The following BICDL1 variants were observed in gnomAD, a reference collection of about 807,000 sequenced individuals.
BICDL1 encodes BICD family like cargo adaptor 1.
BICDL1 carries 20 observed loss-of-function variants against 76.8 expected under a neutral mutation model. The ratio of observed to expected loss-of-function variants is 0.26; its 90% CI spans 0.18 to 0.38. The LOEUF is 0.38. Ranked by LOEUF, BICDL1 falls within the 10% of genes least tolerant of loss-of-function variation. BICDL1 has a pLI of 1.00. For synonymous variants in BICDL1, 383 were observed against 337.1 expected, an observed-to-expected ratio of 1.14 and a Z score of -1.49; for missense variants, 700 against 798.6, an observed-to-expected ratio of 0.88 and a Z score of 1.49.
chr12:120,068,682 G>A (rs753350432), intron 4 of BICDL1, among the ~76,000 whole-genome samples: 8 of 152,200 alleles, frequency 5.3e-5, no homozygotes, highest in South Asian at 2.1e-4. Context: ...TGGACATGGC[G>A]GCGCATGCCT....
intron 1 of BICDL1, among the ~76,000 whole-genome samples, chr12:119,993,814 C>T (rs901542482): frequency 6.6e-6 from 1 of 152,130 alleles, no homozygotes; most frequent in African/African-American, 2.4e-5. Context: ...TGGGGTTTCA[C>T]CATGGTGGCC....
chr12:120,088,735 G>C (rs1023937116), intron 8 of BICDL1, among the ~76,000 whole-genome samples: 4 of 151,364 alleles, frequency 2.6e-5, no homozygotes, highest in Non-Finnish European at 5.9e-5. Flanking sequence ...GGCGCGATCT[G>C]GGCTTACTGC....
chr12:119,995,231 T>C lies in BICDL1; in HGVS notation c.430-3290T>C, dbSNP rs77782715. ...GGTTAATTTAGCACTTAATTGAAAA[T>C]ATAATTCTAGGAGAAACTTTTCTCA... On this transcript the variant is annotated intron_variant, in intron 1 of 9. Coordinates refer to ENST00000548673, the MANE Select transcript of BICDL1 (RefSeq NM_001367886.1). 8.4e-3 allele frequency among the ~76,000 whole-genome samples: 1,272 copies of C among 152,312 alleles called. 16 individuals carry two copies. Among genetic ancestry groups the C allele is most frequent in the African/African-American group, 0.029 (1,187 of 41,548 alleles).
chr12:120,016,434 CTTT>C (rs1174613877), intron 2 of BICDL1, among the ~76,000 whole-genome samples: 1 of 95,864 alleles, frequency 1.0e-5, no homozygotes, highest in Admixed American at 1.2e-4. Flanking sequence ...TGTCTGTAAC[CTTT>C]TTTTTTTTTT....
chr12:119,995,355 G>C (rs1951620069), intron 1 of BICDL1, among the ~76,000 whole-genome samples: 1 of 152,204 alleles, frequency 6.6e-6, no homozygotes, highest in Non-Finnish European at 1.5e-5. Flanking sequence ...GAAATAGGAA[G>C]TTTGTCTCAT....
At chr12:120,008,150 C>CTTTTTTTTTTTTTT (rs71072590) in intron 2 of BICDL1, among the ~76,000 whole-genome samples, 1 of 61,716 alleles carries the variant, frequency 1.6e-5, no homozygotes, top group African/African-American at 7.0e-5. Flanking sequence ...ATTACTCTTT[C>CTTTTTTTTTTTTTT]TTTTTTTTTT....
At chr12:120,068,258 A>G (rs545676759) in intron 4 of BICDL1, among the ~76,000 whole-genome samples, 56 of 152,352 alleles carry the variant, frequency 3.7e-4, no homozygotes, top group Middle Eastern at 3.4e-3. Context: ...AGGTGACCCC[A>G]GAAATGCTGT....
At chr12:120,023,034 T>C (rs1952214901) in intron 2 of BICDL1, among the ~76,000 whole-genome samples, 1 of 152,208 alleles carries the variant, frequency 6.6e-6, no homozygotes, top group South Asian at 2.1e-4. Context: ...GTTCAGACAG[T>C]AGTTGCAACA....
chr12:120,060,277 G>A (rs1326808319), intron 2 of BICDL1, among the ~76,000 whole-genome samples: 2 of 152,186 alleles, frequency 1.3e-5, no homozygotes, highest in East Asian at 1.9e-4. Context: ...TTTAGAATAC[G>A]AAGGAGAAAT....
At chr12:120,049,300 G>T (rs1952809140) in intron 2 of BICDL1, among the ~76,000 whole-genome samples, 1 of 152,236 alleles carries the variant, frequency 6.6e-6, no homozygotes, top group South Asian at 2.1e-4. Context: ...AGAGTTACAG[G>T]AGATAGAAGG....
intron 2 of BICDL1, among the ~76,000 whole-genome samples, chr12:120,042,797 TC>T (rs143568625): frequency 7.7e-6 from 1 of 129,846 alleles, no homozygotes; most frequent in Non-Finnish European, 1.6e-5. Context: ...AGAGCGAGAC[TC>T]CCCCTCAAAA....
intron 2 of BICDL1, among the ~76,000 whole-genome samples, chr12:120,027,377 A>G (rs750987426): frequency 3.3e-5 from 5 of 152,164 alleles, no homozygotes; most frequent in Admixed American, 6.5e-5. Context: ...ATCTTGCCCT[A>G]TTCCTCTTGA....
intron 8 of BICDL1, among the ~76,000 whole-genome samples, chr12:120,084,766 T>G (rs1054293348): frequency 2.0e-5 from 3 of 151,792 alleles, no homozygotes; most frequent in African/African-American, 7.3e-5. Flanking sequence ...GGCAGGCGCC[T>G]GTAATCCCAG....
chr12:119,996,780 A>G (rs914447141), intron 1 of BICDL1, among the ~76,000 whole-genome samples: 2 of 152,160 alleles, frequency 1.3e-5, no homozygotes, highest in Admixed American at 6.5e-5. Flanking sequence ...TGTATTTTGA[A>G]TAGTTACACC....
At chr12:120,011,773 T>A (rs1247344453) in intron 2 of BICDL1, among the ~76,000 whole-genome samples, 2 of 142,954 alleles carry the variant, frequency 1.4e-5, no homozygotes, top group Admixed American at 6.9e-5. Flanking sequence ...TTTTTCTCAT[T>A]CCCATAAAGT....
chr12:120,021,829 C>G (rs1036057367), intron 2 of BICDL1, among the ~76,000 whole-genome samples: 1 of 151,216 alleles, frequency 6.6e-6, no homozygotes, highest in Non-Finnish European at 1.5e-5. Flanking sequence ...TGCTTGAACC[C>G]GGGAGGTGAA....
intron 7 of BICDL1, among the ~76,000 whole-genome samples, chr12:120,075,233 G>A (rs1258205433): frequency 2.0e-5 from 3 of 152,058 alleles, no homozygotes; most frequent in Admixed American, 1.3e-4. Context: ...GTGCTGCTTG[G>A]GAGTAGGGGC....
chr12:120,061,674 C>T, intron 2 of BICDL1, 36 bp from the exon 3 acceptor site: 2 of 1,419,750 alleles, frequency 1.4e-6, no homozygotes, highest in Non-Finnish European at 2.0e-6. Context: ...CTTTGCATAA[C>T]CTCCGAATCA....
At chr12:120,087,751 T>C (rs1874547068) in intron 8 of BICDL1, among the ~76,000 whole-genome samples, 1 of 152,202 alleles carries the variant, frequency 6.6e-6, no homozygotes, top group African/African-American at 2.4e-5. Context: ...AAATTAATTT[T>C]CTTTTGCATT....
Sources: gnomAD v4.1 joint callset for allele counts (sites outside exome capture counted in the v4.1 genomes callset) on GRCh38, gnomAD v4.1.1 for gene constraint, MANE v1.5 for transcripts, NCBI Gene and HGNC (gene_info 2026-07-23, HGNC 2026-07-21) for gene names.